The following ST3GAL3 variants were observed in gnomAD, a reference collection of about 807,000 sequenced individuals.
ST3GAL3 encodes ST3 beta-galactoside alpha-2,3-sialyltransferase 3.
Under a neutral mutation model 50.1 loss-of-function variants are expected in ST3GAL3, and 21 were observed. The ratio of observed to expected loss-of-function variants is 0.42; its 90% CI spans 0.30 to 0.60. ST3GAL3 has a LOEUF of 0.60. Among genes scored for constraint, ST3GAL3 ranks in the 20% least tolerant of loss-of-function variants. The pLI, the probability that ST3GAL3 is intolerant of heterozygous loss-of-function variation, is 0.19. For missense variants in ST3GAL3, 353 were observed against 489.4 expected (o/e 0.72, Z 2.63); for synonymous variants, 183 against 190.0 (o/e 0.96, Z 0.30).
intron 4 of ST3GAL3, among the ~76,000 whole-genome samples, chr1:43,822,481 A>G (rs2062234317): frequency 6.6e-6 from 1 of 152,196 alleles, no homozygotes; most frequent in African/African-American, 2.4e-5. Flanking sequence ...CCATGTGAAG[A>G]CACAAAAATA....
At chr1:43,758,306 A>G (rs1688891197) in intron 2 of ST3GAL3, among the ~76,000 whole-genome samples, 2 of 152,174 alleles carry the variant, frequency 1.3e-5, no homozygotes, top group Admixed American at 6.5e-5. Flanking sequence ...GCTGGAGTGC[A>G]GTGGTGCAAT....
At chr1:43,821,461 G>A (rs1369364556) in intron 4 of ST3GAL3, among the ~76,000 whole-genome samples, 1 of 152,094 alleles carries the variant, frequency 6.6e-6, no homozygotes, top group Non-Finnish European at 1.5e-5. Context: ...AAGAGTTTGA[G>A]GATATAAAGG....
At chr1:43,774,383 G>A (rs968472428) in intron 2 of ST3GAL3, among the ~76,000 whole-genome samples, 1 of 152,174 alleles carries the variant, frequency 6.6e-6, no homozygotes, top group Non-Finnish European at 1.5e-5. Flanking sequence ...GTTTTGTAAT[G>A]ATTTGTTTCC....
chr1:43,753,537 T>C (rs1686953463), intron 2 of ST3GAL3, among the ~76,000 whole-genome samples: 2 of 152,318 alleles, frequency 1.3e-5, no homozygotes, highest in South Asian at 4.1e-4. Flanking sequence ...TCACCACTTG[T>C]TCTGAGAGGG....
At chr1:43,905,167 C>T (rs1408652028) in intron 9 of ST3GAL3, among the ~76,000 whole-genome samples, 1 of 127,650 alleles carries the variant, frequency 7.8e-6, no homozygotes, top group African/African-American at 2.9e-5. Context: ...CTCTTCTCCT[C>T]CCCCTCCTCC....
chr1:43,766,536 C>G (rs1166829810), intron 2 of ST3GAL3, among the ~76,000 whole-genome samples: 1 of 152,078 alleles, frequency 6.6e-6, no homozygotes, highest in Non-Finnish European at 1.5e-5. Context: ...CTCTAGCAGA[C>G]AGAGTACTCG....
chr1:43,925,402 C>G (rs899902487), intron 11 of ST3GAL3, among the ~76,000 whole-genome samples: 4 of 151,552 alleles, frequency 2.6e-5, no homozygotes, highest in African/African-American at 9.7e-5. Context: ...ATGAAAGGGA[C>G]AGTAACAGCA....
At chr1:43,915,949 T>A (rs1286128351) in intron 9 of ST3GAL3, among the ~76,000 whole-genome samples, 1 of 152,018 alleles carries the variant, frequency 6.6e-6, no homozygotes, top group Non-Finnish European at 1.5e-5. Flanking sequence ...TGAAACCCCA[T>A]CTCTACTAAA....
intron 2 of ST3GAL3, among the ~76,000 whole-genome samples, chr1:43,785,405 G>A (rs2057182153): frequency 6.6e-6 from 1 of 152,212 alleles, no homozygotes; most frequent in African/African-American, 2.4e-5. Flanking sequence ...GATGGTGCTG[G>A]AAGGTGAGGT....
intron 5 of ST3GAL3, among the ~76,000 whole-genome samples, chr1:43,881,244 C>T (rs1302494093): frequency 6.6e-6 from 1 of 152,234 alleles, no homozygotes; most frequent in Non-Finnish European, 1.5e-5. Flanking sequence ...CTCCCGACCT[C>T]AGGTGATCCA....
intron 2 of ST3GAL3, among the ~76,000 whole-genome samples, chr1:43,767,448 T>C (rs1693511638): frequency 6.6e-6 from 1 of 151,762 alleles, no homozygotes; most frequent in African/African-American, 2.4e-5. Context: ...ATCAGGTAAA[T>C]GAAGGGGAAG....
chr1:43,920,300 C>G (rs1355102448), intron 9 of ST3GAL3, 104 bp from the exon 10 acceptor site: 1 of 1,467,326 alleles, frequency 6.8e-7, no homozygotes, highest in African/African-American at 1.4e-5. Flanking sequence ...CCATTAAACG[C>G]CTCATGCTCC....
intron 4 of ST3GAL3, among the ~76,000 whole-genome samples, chr1:43,825,796 G>T (rs1472877152): frequency 6.6e-6 from 1 of 151,888 alleles, no homozygotes; most frequent in Non-Finnish European, 1.5e-5. Context: ...AAGGGGAGAG[G>T]GTACTTAGGA....
At chr1:43,757,195 G>T (rs191551303) in intron 2 of ST3GAL3, among the ~76,000 whole-genome samples, 1 of 152,130 alleles carries the variant, frequency 6.6e-6, no homozygotes, top group African/African-American at 2.4e-5. Context: ...ATGAAGCACC[G>T]CACCTGGCCC....
At chr1:43,856,857 A>G (rs758445362) in intron 5 of ST3GAL3, among the ~76,000 whole-genome samples, 1 of 152,196 alleles carries the variant, frequency 6.6e-6, no homozygotes, top group African/African-American at 2.4e-5. Flanking sequence ...CCAGTTCCCT[A>G]TAATGGTATA....
intron 5 of ST3GAL3, among the ~76,000 whole-genome samples, chr1:43,863,319 C>T (rs1005057943): frequency 9.9e-5 from 15 of 152,152 alleles, no homozygotes; most frequent in Non-Finnish European, 2.1e-4. Flanking sequence ...GCCCTGCACC[C>T]ACTCCAGGCT....
chr1:43,718,185 C>CTTTTTTTTTTT (rs57506461), intron 1 of ST3GAL3, among the ~76,000 whole-genome samples: 1 of 83,376 alleles, frequency 1.2e-5, no homozygotes, highest in Non-Finnish European at 2.2e-5. Flanking sequence ...ATCATTAAAT[C>CTTTTTTTTTTT]TTTTTTTTTT....
chr1:43,791,478 A>G (rs989653828), intron 2 of ST3GAL3, among the ~76,000 whole-genome samples: 1 of 152,166 alleles, frequency 6.6e-6, no homozygotes, highest in African/African-American at 2.4e-5. Context: ...TCTTGTAACC[A>G]TTCATTTCCT....
At chr1:43,791,557 A>T (rs893861109) in intron 2 of ST3GAL3, among the ~76,000 whole-genome samples, 1 of 152,166 alleles carries the variant, frequency 6.6e-6, no homozygotes, top group Non-Finnish European at 1.5e-5. Context: ...TACTCATGGC[A>T]TGCATTTTGT....
Sources: gnomAD v4.1 joint callset for allele counts (sites outside exome capture counted in the v4.1 genomes callset) on GRCh38, gnomAD v4.1.1 for gene constraint, MANE v1.5 for transcripts, NCBI Gene and HGNC (gene_info 2026-07-23, HGNC 2026-07-21) for gene names.